The following FYCO1 variants were observed in gnomAD, a reference collection of about 807,000 sequenced individuals.
FYCO1 encodes the protein FYVE and coiled-coil domain-containing protein 1.
Under a neutral mutation model 165.1 loss-of-function variants are expected in FYCO1, and 122 were observed. The observed-to-expected ratio is 0.74, with a 90% confidence interval of 0.64 to 0.86. The LOEUF (loss-of-function observed/expected upper bound fraction) is 0.86. FYCO1 is among the 40% of genes least tolerant of loss of function. The probability of loss-of-function intolerance (pLI) is 0.00; values close to 1 mark genes in which losing one functional copy is unlikely to be tolerated. For synonymous variants in FYCO1, 648 were observed against 742.5 expected (o/e 0.87, Z 2.07); for missense variants, 1,702 against 1,810.3 (o/e 0.94, Z 1.09).
At position 45,973,130 on chromosome 3, in the gene FYCO1, G is replaced by T. The variant is rs1335395536; in HGVS notation, c.497C>A (p.Ser166Ter). 6.2e-7 allele frequency: 1 copy of T among 1,614,172 alleles called. No homozygotes were observed. Among genetic ancestry groups the T allele is most frequent in the Non-Finnish European group, 8.5e-7 (1 of 1,180,024 alleles). ...ELTEVQFDLA[S>*]RGFDLDAAWP... ...GGCAGCATCCAAGTCAAAGCCCCTC[G>T]ACGCCAGGTCAAACTGAACCTCAGT... Residue 166 changes from serine to a stop codon, truncating the protein, a stop_gained, in exon 6 of 18, where the codon TCG (serine) becomes TAG (stop). Coordinates refer to ENST00000296137, the MANE Select transcript of FYCO1 (RefSeq NM_024513.4). LOFTEE classifies it high-confidence loss of function.
intron 2 of FYCO1, among the ~76,000 whole-genome samples, chr3:45,984,059 G>A (rs973856336): frequency 1.3e-5 from 2 of 152,128 alleles, no homozygotes; most frequent in South Asian, 2.1e-4. Flanking sequence ...GTGTCACAGC[G>A]GACTCTGCAG....
At chr3:45,942,002 C>T (rs1162810051) in intron 14 of FYCO1, among the ~76,000 whole-genome samples, 1 of 152,262 alleles carries the variant, frequency 6.6e-6, no homozygotes, top group Non-Finnish European at 1.5e-5. Flanking sequence ...CCATTCCCTA[C>T]ATCCATCTGT....
chr3:45,923,676 G>A lies in FYCO1; in HGVS notation c.4341C>T (p.Ile1447=). 1 of 1,613,420 alleles carries A rather than the reference G, an allele frequency of 6.2e-7. No homozygotes were observed. The highest frequency in any genetic ancestry group is 1.1e-5 in the South Asian group (1 of 91,068). The change falls in exon 17 of 18, where the codon ATC becomes ATT. Residue 1447 remains isoleucine, a synonymous_variant. Transcript: ENST00000296137. ...KVRTPGIYML[I]FDNTFSRFVS... is the part of the protein sequence containing the mutation. ...CCTACCTTGAGAAGGTATTGTCGAA[G>A]ATGAGCATGTAGATGCCGGGTGTGC...
intron 4 of FYCO1, among the ~76,000 whole-genome samples, chr3:45,978,148 T>C (rs185529051): frequency 1.3e-5 from 2 of 152,374 alleles, no homozygotes; most frequent in Admixed American, 1.3e-4. Flanking sequence ...TAGATGTGTT[T>C]TAGCAAGCAT....
intron 16 of FYCO1, among the ~76,000 whole-genome samples, chr3:45,928,899 G>A (rs35831747): frequency 0.089 from 13,553 of 152,170 alleles, 1,012 homozygotes; most frequent in South Asian, 0.35. Context: ...TCTATCCCCC[G>A]TGGGCCCTAC....
At chr3:45,950,399 C>T (rs552984145) in intron 14 of FYCO1, among the ~76,000 whole-genome samples, 1 of 152,086 alleles carries the variant, frequency 6.6e-6, no homozygotes, top group Admixed American at 6.5e-5. Flanking sequence ...GACACTGACT[C>T]TAGGGGCTAC....
In FYCO1 at chr3:45,964,144, T is replaced by C. The variant is rs1398444297; in HGVS notation, c.3269+192A>G. Among the ~76,000 whole-genome samples the C allele has an allele frequency of 6.6e-6, 1 of 152,174 alleles. No homozygotes were observed. The highest frequency in any genetic ancestry group is 6.5e-5 in the Admixed American group (1 of 15,270). ...AGTTAGGAGAAAGGTGCTTTAGCCG[T>C]GTATAGGTTGTGATGGGCAGGCAAC... On this transcript the variant is annotated intron_variant, in intron 10 of 17. Coordinates refer to ENST00000296137, the MANE Select transcript of FYCO1 (RefSeq NM_024513.4). The surrounding 1 kb of genome is among the most constrained non-coding windows in gnomAD (Gnocchi z 4.1).
intron 14 of FYCO1, among the ~76,000 whole-genome samples, chr3:45,937,188 A>G (rs536998505): frequency 6.6e-6 from 1 of 152,330 alleles, no homozygotes; most frequent in African/African-American, 2.4e-5. Flanking sequence ...CAGGTGCCTC[A>G]GAGCCCAACC....
At position 45,993,214 on chromosome 3, in the gene FYCO1, G is replaced by C. The variant is rs1190038776; in HGVS notation, c.-113+2508C>G. On this transcript the variant is annotated intron_variant, in intron 1 of 17. Coordinates refer to ENST00000296137, the MANE Select transcript of FYCO1 (RefSeq NM_024513.4). This position sits in a 1 kb window ranked among gnomAD's most constrained non-coding sequence, Gnocchi z 4.4. ...CCTTTCAAATGCCACAGAGATCCAA[G>C]TGAACAGGAAGGACCACTGGAAGTT... is the stretch of plus-strand genomic sequence containing the variant. 6.6e-6 allele frequency among the ~76,000 whole-genome samples: 1 copy of C among 152,142 alleles called. No homozygotes were observed. Among genetic ancestry groups the C allele is most frequent in the Non-Finnish European group, 1.5e-5 (1 of 68,026 alleles).
In FYCO1 at chr3:45,966,986, C is replaced by G; in HGVS notation, c.2348G>C (p.Gly783Ala). 6.2e-7 allele frequency: 1 copy of G among 1,613,200 alleles called. No homozygotes were observed. Among genetic ancestry groups the G allele is most frequent in the East Asian group, 2.2e-5 (1 of 44,880 alleles). Residue 783 changes from glycine to alanine, a missense_variant, in exon 8 of 18, where the codon GGG (glycine) becomes GCG (alanine). Gly to Ala is a moderately conservative substitution (Grantham distance 60). Coordinates refer to ENST00000296137, the MANE Select transcript of FYCO1 (RefSeq NM_024513.4). ...CTGAGCCTGCAGCCGTTGGACCTCCCCCTGATGGACTTCCAGCTGCGCCTG... is the reference window on the plus strand; with the variant it reads ...CTGAGCCTGCAGCCGTTGGACCTCCGCCTGATGGACTTCCAGCTGCGCCTG... ...LSQAQLEVHQ[G>A]EVQRLQAQVV... is the part of the protein sequence containing the mutation.
At chr3:45,931,619 C>T (rs1703632351) in intron 15 of FYCO1, among the ~76,000 whole-genome samples, 1 of 152,242 alleles carries the variant, frequency 6.6e-6, no homozygotes, top group Non-Finnish European at 1.5e-5. Context: ...GGACAGGAAG[C>T]AAGTGCCGAG....
At position 45,919,788 on chromosome 3, in the gene FYCO1, T is replaced by C. The variant is rs1703029723; in HGVS notation, c.*1977A>G. The C allele has an allele frequency of 2.0e-5, 3 of 152,356 alleles. No homozygotes were observed. The highest frequency in any genetic ancestry group is 7.2e-5 in the African/African-American group (3 of 41,586). The allele number at this position is 152,356 out of a possible 1,614,324, so 9.4% of individuals were successfully genotyped here. ...CAGTGAACAAGCTGACTTCTGATTA[T>C]CATTTGCAAGTGGCTGGATGGATTC... On this transcript the variant is annotated 3_prime_UTR_variant, in exon 18 of 18. Transcript: ENST00000296137.
At chr3:45,940,138 A>T (rs1415957859) in intron 14 of FYCO1, among the ~76,000 whole-genome samples, 2 of 152,220 alleles carry the variant, frequency 1.3e-5, no homozygotes, top group Non-Finnish European at 2.9e-5. Flanking sequence ...CATTGCTTAT[A>T]AATTCCTAGT....
In FYCO1 at chr3:45,952,236, T is replaced by A. The variant is rs7611099; in HGVS notation, c.3944+3013A>T. 2.0e-5 allele frequency among the ~76,000 whole-genome samples: 3 copies of A among 152,186 alleles called. No homozygotes were observed. The South Asian group carries it at 6.2e-4, about 32-fold the overall frequency. On this transcript the variant is annotated intron_variant, in intron 14 of 17. Transcript: ENST00000296137. The stretch of plus-strand genomic sequence containing the variant: ...CTTCCAAGTGGCCTAATATTCCTCA[T>A]GAATTTGGACTTAGTGTTTAATCTC...
rs1343107457 is a variant in FYCO1 at position 45,973,068 on chromosome 3, C to G, written c.539+20G>C. 2 of 1,613,918 alleles carry G rather than the reference C, an allele frequency of 1.2e-6. No homozygotes were observed. Among genetic ancestry groups the G allele is most frequent in the Non-Finnish European group, 1.7e-6 (2 of 1,179,918 alleles). On this transcript the variant is annotated intron_variant, in intron 6 of 17. Coordinates refer to ENST00000296137, the MANE Select transcript of FYCO1 (RefSeq NM_024513.4). ...ATGTCTCTTTTCCTGTCTTTTAAAC[C>G]AAGCAATCCTTCAAAGTACCTGGCA...
chr3:45,981,535 A>T (rs747238086), intron 3 of FYCO1, 35 bp downstream of exon 3: 11 of 1,266,002 alleles, frequency 8.7e-6, no homozygotes, highest in Non-Finnish European at 1.2e-5. Context: ...AAGAGATACC[A>T]GTGCAAAAAT....
At chr3:45,959,305 C>G (rs965393293) in intron 12 of FYCO1, 88 bp downstream of exon 12, 27 of 1,415,726 alleles carry the variant, frequency 1.9e-5, no homozygotes, top group Non-Finnish European at 2.6e-5. Context: ...GGTGCCAACA[C>G]CTATCACAGA....
chr3:45,964,220 T>G lies in FYCO1; in HGVS notation c.3269+116A>C. 1.1e-6 allele frequency: 1 copy of G among 894,668 alleles called. No homozygotes were observed. Among genetic ancestry groups the G allele is most frequent in the South Asian group, 1.3e-5 (1 of 75,606 alleles). 55.4% of individuals were successfully genotyped at this position (894,668 alleles called of 1,614,324 possible). On this transcript the variant is annotated intron_variant, in intron 10 of 17. Coordinates refer to ENST00000296137, the MANE Select transcript of FYCO1 (RefSeq NM_024513.4). This position sits in a 1 kb window ranked among gnomAD's most constrained non-coding sequence, Gnocchi z 4.1. ...CAGAAGCACTTTCTGAGTTTGTGGC[T>G]TTTCTTGCAAAAGGACTTCCTAAAC...
chr3:45,983,266 A>G (rs1419604449), intron 2 of FYCO1, among the ~76,000 whole-genome samples: 13 of 152,232 alleles, frequency 8.5e-5, no homozygotes, highest in Admixed American at 8.5e-4. Flanking sequence ...GCTGTCACCA[A>G]GAGGATAAGT....
Sources: allele counts gnomAD v4.1 joint callset (sites outside exome capture counted in the v4.1 genomes callset), GRCh38; gene constraint gnomAD v4.1.1; non-coding constraint Gnocchi (gnomAD v3.1); transcripts MANE v1.5; gene names NCBI Gene and HGNC (gene_info 2026-07-23, HGNC 2026-07-21).